The following ZMPSTE24 variants were observed in gnomAD, a reference collection of about 807,000 sequenced individuals.
ZMPSTE24 encodes the protein zinc metallopeptidase STE24.
Under a neutral mutation model 56.7 loss-of-function variants are expected in ZMPSTE24, and 48 were observed. The ratio of observed to expected loss-of-function variants is 0.85; its 90% CI spans 0.67 to 1.08. The LOEUF (loss-of-function observed/expected upper bound fraction) is 1.08. Ranked by LOEUF, ZMPSTE24 falls within the 50% of genes least tolerant of loss-of-function variation. The pLI, the probability that ZMPSTE24 is intolerant of heterozygous loss-of-function variation, is 0.00. For synonymous variants in ZMPSTE24, 172 were observed against 195.2 expected (o/e 0.88, Z 0.99); for missense variants, 503 against 548.7 (o/e 0.92, Z 0.83).
Position 40,292,635 on chromosome 1 carries a change from G to A in ZMPSTE24, c.1394G>A (p.Arg465Lys). Residue 465 changes from arginine to lysine, a missense_variant, in exon 10 of 10, where the codon AGA becomes AAA. Arg to Lys is a conservative substitution (Grantham distance 26, BLOSUM62 2). Coordinates refer to ENST00000372759, the MANE Select transcript of ZMPSTE24 (RefSeq NM_005857.5). ...TATTCTCATCCTCCACTGCTAGAGAGACTTCAAGCTTTGAAAACTATGAAG... is the reference window on the plus strand; with the variant it reads ...TATTCTCATCCTCCACTGCTAGAGAAACTTCAAGCTTTGAAAACTATGAAG... ...WHYSHPPLLE[R>K]LQALKTMKQH 1 of 1,614,060 alleles carries A rather than the reference G, an allele frequency of 6.2e-7. No homozygotes were observed. Among genetic ancestry groups the A allele is most frequent in the African/African-American group, 1.3e-5 (1 of 75,044 alleles).
At chr1:40,261,218 C>T (rs995387541) in intron 2 of ZMPSTE24, among the ~76,000 whole-genome samples, 1 of 152,170 alleles carries the variant, frequency 6.6e-6, no homozygotes, top group Non-Finnish European at 1.5e-5. Flanking sequence ...GATCCTCTTC[C>T]ATTAGGATCC....
intron 7 of ZMPSTE24, among the ~76,000 whole-genome samples, chr1:40,281,807 G>A (rs957100558): frequency 4.6e-5 from 7 of 151,032 alleles, no homozygotes; most frequent in African/African-American, 9.7e-5. Context: ...GAACTTGTGT[G>A]TATATATATA....
chr1:40,276,244 G>C (rs1277125187), intron 6 of ZMPSTE24, among the ~76,000 whole-genome samples: 2 of 152,196 alleles, frequency 1.3e-5, no homozygotes, highest in Non-Finnish European at 2.9e-5. Context: ...CTGTATGTAT[G>C]AGTCTGGAGT....
chr1:40,287,025 C>T (rs1351074381), intron 8 of ZMPSTE24, among the ~76,000 whole-genome samples: 2 of 152,018 alleles, frequency 1.3e-5, no homozygotes, highest in East Asian at 1.9e-4. Context: ...AGCCACCACT[C>T]CCGGCCTCTA....
chr1:40,289,597 T>G (rs921439609), intron 8 of ZMPSTE24, among the ~76,000 whole-genome samples: 4 of 152,192 alleles, frequency 2.6e-5, no homozygotes, highest in African/African-American at 9.7e-5. Context: ...GCTTCTTGGG[T>G]CATCTCGTTT....
rs281875370 is a variant in ZMPSTE24 at position 40,271,975 on chromosome 1, G to T, written c.709G>T (p.Glu237Ter). The part of the protein sequence containing the change: ...TPLPEGKLKE[E>*]IEVMAKSIDF... Reference sequence around the variant, plus strand: ...TCTGCCTGAGGGAAAGCTTAAAGAAGAAATTGAAGTAATGGCAAAGAGTAT... The same window carrying T: ...TCTGCCTGAGGGAAAGCTTAAAGAATAAATTGAAGTAATGGCAAAGAGTAT... The change falls in exon 6 of 10, where the codon GAA becomes TAA. Residue 237 changes from glutamate (E) to a stop codon, truncating the protein, a stop_gained. Transcript: ENST00000372759. LOFTEE classifies it high-confidence loss of function. 6.2e-6 allele frequency: 10 copies of T among 1,613,312 alleles called. No individual in the cohort carries two copies. In the South Asian group the frequency reaches 8.8e-5, roughly 14 times the overall value.
chr1:40,283,031 T>C (rs960195475), intron 7 of ZMPSTE24, among the ~76,000 whole-genome samples: 1 of 152,222 alleles, frequency 6.6e-6, no homozygotes, highest in Non-Finnish European at 1.5e-5. Flanking sequence ...TCTGAGCATC[T>C]GTTTTGACAC....
At chr1:40,271,805 AGTT>A in intron 5 of ZMPSTE24, 86 bp from the exon 6 acceptor site, 1 of 1,440,028 alleles carries the variant, frequency 6.9e-7, no homozygotes, top group South Asian at 1.3e-5. Context: ...AGGTCAACAT[AGTT>A]GTTTTAATAT....
intron 6 of ZMPSTE24, among the ~76,000 whole-genome samples, chr1:40,280,169 G>A (rs1327631727): frequency 2.0e-5 from 3 of 151,908 alleles, no homozygotes; most frequent in African/African-American, 4.8e-5. Context: ...TGAGTTCTTC[G>A]GCAACTTCTT....
intron 8 of ZMPSTE24, among the ~76,000 whole-genome samples, chr1:40,286,636 G>T (rs1345476719): frequency 6.6e-6 from 1 of 151,724 alleles, no homozygotes; most frequent in Admixed American, 6.6e-5. Context: ...GGCCAGGCTG[G>T]TCTCGAACTC....
chr1:40,288,065 C>T (rs1258036471), intron 8 of ZMPSTE24, among the ~76,000 whole-genome samples: 1 of 152,070 alleles, frequency 6.6e-6, no homozygotes, highest in Non-Finnish European at 1.5e-5. Context: ...GTAGTCCCAG[C>T]TACTTGGGAG....
chr1:40,265,574 C>G (rs1643540647), intron 2 of ZMPSTE24, among the ~76,000 whole-genome samples: 1 of 152,082 alleles, frequency 6.6e-6, no homozygotes, highest in African/African-American at 2.4e-5. Flanking sequence ...GTGGTGCATA[C>G]AGTCCTGGCT....
chr1:40,260,924 A>G lies in ZMPSTE24; in HGVS notation c.209A>G (p.Tyr70Cys), dbSNP rs1569613530. 2 of 1,614,176 alleles carry G rather than the reference A, an allele frequency of 1.2e-6. No homozygotes were observed. The highest frequency in any genetic ancestry group is 2.2e-5 in the East Asian group (1 of 44,868). The change falls in exon 2 of 10, where the codon TAT (tyrosine) becomes TGT (cysteine). Residue 70 changes from tyrosine to cysteine, a missense_variant. By Grantham distance (194) the Tyr-to-Cys change is radical. Coordinates refer to ENST00000372759, the MANE Select transcript of ZMPSTE24 (RefSeq NM_005857.5). ...DSETFEKSRL[Y>C]QLDKSTFSFW... is the part of the protein sequence containing the mutation. ...GAAACATTTGAGAAATCTCGACTCT[A>G]TCAACTGGATAAAAGCACTTTCAGC... is the stretch of plus-strand genomic sequence containing the variant.
rs1643856168 is a variant in ZMPSTE24 at position 40,292,673 on chromosome 1, G to A, written c.*4G>A. 2 of 1,611,290 alleles carry A rather than the reference G, an allele frequency of 1.2e-6. No individual in the cohort carries two copies. Among genetic ancestry groups the A allele is most frequent in the Admixed American group, 1.7e-5 (1 of 60,024 alleles). On this transcript the variant is annotated 3_prime_UTR_variant, in exon 10 of 10. Transcript: ENST00000372759. Reference sequence around the variant, plus strand: ...GAAAACTATGAAGCAACACTGAGATGTCCAGGATCTGTGACTGAAGACATT... The same window carrying A: ...GAAAACTATGAAGCAACACTGAGATATCCAGGATCTGTGACTGAAGACATT...
At chr1:40,274,667 T>C (rs1384469692) in intron 6 of ZMPSTE24, among the ~76,000 whole-genome samples, 2 of 152,100 alleles carry the variant, frequency 1.3e-5, no homozygotes, top group Non-Finnish European at 2.9e-5. Flanking sequence ...TTGAGTTCAG[T>C]GGGAAGAGCC....
At chr1:40,274,442 G>T (rs1030952416) in intron 6 of ZMPSTE24, among the ~76,000 whole-genome samples, 2 of 152,154 alleles carry the variant, frequency 1.3e-5, no homozygotes, top group Non-Finnish European at 2.9e-5. Flanking sequence ...AACTAGTTTG[G>T]TCTGATAAGT....
At chr1:40,282,144 A>G (rs1643736757) in intron 7 of ZMPSTE24, among the ~76,000 whole-genome samples, 1 of 152,234 alleles carries the variant, frequency 6.6e-6, no homozygotes, top group Admixed American at 6.5e-5. Context: ...CTAAAGGGGA[A>G]ATAGTCATGC....
rs756839081 is a variant in ZMPSTE24 at position 40,269,626 on chromosome 1, A to AT, written c.475-342dup. The stretch of plus-strand genomic sequence containing the variant: ...AGATGAATTATACTACACTGGGTTA[A>AT]TTTTTTTATTATTATTTTTAGTAGT... On this transcript the variant is annotated intron_variant, in intron 4 of 9. Coordinates refer to ENST00000372759, the MANE Select transcript of ZMPSTE24 (RefSeq NM_005857.5). Among the ~76,000 whole-genome samples, 12 of 151,842 alleles carry AT rather than the reference A, an allele frequency of 7.9e-5. 1 individual carries two copies. Among genetic ancestry groups the AT allele is most frequent in the East Asian group, 3.9e-4 (2 of 5,146 alleles).
intron 7 of ZMPSTE24, among the ~76,000 whole-genome samples, chr1:40,281,946 T>C (rs1643734489): frequency 6.6e-6 from 1 of 152,178 alleles, no homozygotes; most frequent in Admixed American, 6.6e-5. Flanking sequence ...GCTTTGGCAA[T>C]GGAGAGACTT....
Sources: allele counts gnomAD v4.1 joint callset (sites outside exome capture counted in the v4.1 genomes callset), GRCh38; gene constraint gnomAD v4.1.1; transcripts MANE v1.5; gene names NCBI Gene and HGNC (gene_info 2026-07-23, HGNC 2026-07-21).